The following RABGAP1L variants were observed in gnomAD, a reference collection of about 807,000 sequenced individuals.
RABGAP1L encodes RAB GTPase activating protein 1 like, also known as rab GTPase-activating protein 1-like.
In RABGAP1L, 63 loss-of-function variants were observed where a neutral mutation model predicts 137.7. That is an observed-to-expected ratio of 0.46 (90% CI 0.37 to 0.56). The LOEUF (loss-of-function observed/expected upper bound fraction) is 0.56, where lower values mean the gene tolerates loss of function less well. Among genes scored for constraint, RABGAP1L ranks in the 20% least tolerant of loss-of-function variants. The pLI is 0.00. For synonymous variants in RABGAP1L, 431 were observed against 433.7 expected, an observed-to-expected ratio of 0.99 and a Z score of 0.08; for missense variants, 1,095 against 1,244.0, an observed-to-expected ratio of 0.88 and a Z score of 1.80.
At chr1:174,362,438 C>A (rs1330978853) in intron 11 of RABGAP1L, among the ~76,000 whole-genome samples, 1 of 151,904 alleles carries the variant, frequency 6.6e-6, no homozygotes, top group Non-Finnish European at 1.5e-5. Flanking sequence ...ACCTTGCCAG[C>A]ATGTGTTATT....
chr1:174,755,435 G>T (rs1684665266), intron 18 of RABGAP1L, among the ~76,000 whole-genome samples: 1 of 152,224 alleles, frequency 6.6e-6, no homozygotes, highest in Non-Finnish European at 1.5e-5. Flanking sequence ...AGCACTTCAT[G>T]TTGGGCACAG....
At chr1:174,474,804 T>C (rs1296338234) in intron 13 of RABGAP1L, among the ~76,000 whole-genome samples, 1 of 152,024 alleles carries the variant, frequency 6.6e-6, no homozygotes, top group Non-Finnish European at 1.5e-5. Flanking sequence ...GGTTTTACCA[T>C]GTTGGCCAGG....
chr1:174,529,913 T>C (rs1664240925), intron 13 of RABGAP1L, among the ~76,000 whole-genome samples: 1 of 152,056 alleles, frequency 6.6e-6, no homozygotes, highest in Non-Finnish European at 1.5e-5. Flanking sequence ...AATGGTGGAC[T>C]GGGCTGGGTA....
At chr1:174,612,268 A>G (rs150622897) in intron 13 of RABGAP1L, among the ~76,000 whole-genome samples, 26 of 152,116 alleles carry the variant, frequency 1.7e-4, no homozygotes, top group Non-Finnish European at 2.6e-4. Context: ...AGCATGAAGC[A>G]TTGTTGAATT....
intron 16 of RABGAP1L, among the ~76,000 whole-genome samples, chr1:174,700,249 C>T (rs969422510): frequency 6.6e-6 from 1 of 152,108 alleles, no homozygotes; most frequent in African/African-American, 2.4e-5. Context: ...AGTGATTGAC[C>T]AGAGCTGACA....
intron 4 of RABGAP1L, among the ~76,000 whole-genome samples, chr1:174,231,726 C>A (rs80042005): frequency 0.06 from 9,186 of 152,100 alleles, 967 homozygotes; most frequent in African/African-American, 0.21. Flanking sequence ...CAAGGGGAAG[C>A]AGAATTGTCT....
intron 17 of RABGAP1L, among the ~76,000 whole-genome samples, chr1:174,748,059 A>C (rs1684031447): frequency 6.6e-6 from 1 of 152,136 alleles, no homozygotes; most frequent in Non-Finnish European, 1.5e-5. Flanking sequence ...ATAGAATAAA[A>C]AGTTTAGCAA....
At chr1:174,985,103 G>C (rs868046303) in intron 24 of RABGAP1L, among the ~76,000 whole-genome samples, 13 of 152,286 alleles carry the variant, frequency 8.5e-5, no homozygotes, top group Middle Eastern at 3.4e-3. Flanking sequence ...GAATAAAGAA[G>C]AACAACTAGG....
chr1:174,228,399 A>G (rs1000244537), intron 3 of RABGAP1L, among the ~76,000 whole-genome samples: 5 of 152,180 alleles, frequency 3.3e-5, no homozygotes, highest in African/African-American at 1.2e-4. Context: ...CTAGTTACAC[A>G]TGTTAGACCA....
intron 13 of RABGAP1L, among the ~76,000 whole-genome samples, chr1:174,470,475 G>T (rs1657790298): frequency 6.6e-6 from 1 of 152,114 alleles, no homozygotes; most frequent in Non-Finnish European, 1.5e-5. Context: ...ATTCTAAAAT[G>T]CAGTGTTTTG....
chr1:174,963,098 C>CA (rs925551001), intron 20 of RABGAP1L, among the ~76,000 whole-genome samples: 150 of 131,028 alleles, frequency 1.1e-3, no homozygotes, highest in South Asian at 4.2e-3. Context: ...GACTCCGTCT[C>CA]AAAAAAAAAA....
At position 174,714,248 on chromosome 1, in the gene RABGAP1L, C is replaced by CT. The variant is rs1282156094; in HGVS notation, c.2169+11993dup. 1.3e-5 allele frequency among the ~76,000 whole-genome samples: 2 copies of CT among 152,146 alleles called. 1 individual carries two copies. The highest frequency in any genetic ancestry group is 2.9e-5 in the Non-Finnish European group (2 of 68,024). ...CACTCTACCTTGCTAGCTACTTCCT[C>CT]TAAGAAATTTTCCCTGATCACCCAT... On this transcript the variant is annotated intron_variant, in intron 17 of 25. Coordinates refer to ENST00000681986, the MANE Select transcript of RABGAP1L (RefSeq NM_001366446.1).
intron 13 of RABGAP1L, among the ~76,000 whole-genome samples, chr1:174,530,175 A>G (rs1441430093): frequency 6.6e-6 from 1 of 150,812 alleles, no homozygotes; most frequent in Non-Finnish European, 1.5e-5. Context: ...GCAGCAGCAC[A>G]ACTGCCTTGT....
At chr1:174,765,812 C>T (rs139349438) in intron 18 of RABGAP1L, among the ~76,000 whole-genome samples, 23 of 152,156 alleles carry the variant, frequency 1.5e-4, no homozygotes, top group East Asian at 3.9e-4. Context: ...TCTAAGGTCA[C>T]GAAAATTTCT....
chr1:174,616,000 C>G (rs1196221112), intron 13 of RABGAP1L, among the ~76,000 whole-genome samples: 1 of 152,082 alleles, frequency 6.6e-6, no homozygotes, highest in South Asian at 2.1e-4. Context: ...CTTTGGCTAG[C>G]AAAGGGAACT....
intron 1 of RABGAP1L, among the ~76,000 whole-genome samples, chr1:174,171,184 G>A (rs1043582994): frequency 1.3e-5 from 2 of 152,138 alleles, no homozygotes; most frequent in Admixed American, 1.3e-4. Flanking sequence ...TAATCTATGA[G>A]TCTTTGTTAT....
At chr1:174,917,495 G>A (rs1407249412) in intron 19 of RABGAP1L, among the ~76,000 whole-genome samples, 1 of 152,124 alleles carries the variant, frequency 6.6e-6, no homozygotes, top group African/African-American at 2.4e-5. Flanking sequence ...GGAAGGGGAG[G>A]CAGTTATAGT....
chr1:174,931,989 GGTTTT>G (rs1239470719), intron 19 of RABGAP1L, among the ~76,000 whole-genome samples: 1 of 94,182 alleles, frequency 1.1e-5, no homozygotes, highest in Non-Finnish European at 2.1e-5. Context: ...CTGCTTTTTT[GGTTTT>G]TTTTTTTTTT....
intron 10 of RABGAP1L, 111 bp from the exon 11 acceptor site, chr1:174,304,875 C>A: frequency 1.0e-6 from 1 of 1,002,034 alleles, no homozygotes; most frequent in Non-Finnish European, 1.4e-6. Flanking sequence ...GTAGATCAAA[C>A]ACAACACGCC....
Sources: allele counts gnomAD v4.1 joint callset (sites outside exome capture counted in the v4.1 genomes callset), GRCh38; gene constraint gnomAD v4.1.1; transcripts MANE v1.5; gene names NCBI Gene and HGNC (gene_info 2026-07-23, HGNC 2026-07-21).